The following PIK3CD variants were observed in gnomAD, a reference collection of about 807,000 sequenced individuals.
PIK3CD encodes the protein phosphatidylinositol-4,5-bisphosphate 3-kinase catalytic subunit delta.
PIK3CD carries 20 observed loss-of-function variants against 122.9 expected under a neutral mutation model. The ratio of observed to expected loss-of-function variants is 0.16; its 90% confidence interval spans 0.11 to 0.24. The LOEUF is 0.24. Ranked by LOEUF, PIK3CD falls within the 10% of genes least tolerant of loss-of-function variation. The probability of loss-of-function intolerance (pLI) is 1.00; values close to 1 mark genes in which losing one functional copy is unlikely to be tolerated. For synonymous variants in PIK3CD, 596 were observed against 593.4 expected (o/e 1.00, Z -0.06); for missense variants, 787 against 1,406.3 (o/e 0.56, Z 7.04).
the PIK3CD span, among the ~76,000 whole-genome samples, chr1:9,635,416 A>G: frequency 6.6e-6 from 1 of 151,890 alleles, no homozygotes; most frequent in East Asian, 1.9e-4. Flanking sequence ...CGCTCCTCTG[A>G]TTTCTTTAGT....
chr1:9,693,648 C>T (rs1646290630), intron 2 of PIK3CD, among the ~76,000 whole-genome samples: 3 of 151,432 alleles, frequency 2.0e-5, no homozygotes, highest in Admixed American at 1.3e-4. Flanking sequence ...TTCAAAATCC[C>T]ACTAAAATGA....
chr1:9,699,790 A>G (rs1646559375), intron 2 of PIK3CD, among the ~76,000 whole-genome samples: 1 of 152,078 alleles, frequency 6.6e-6, no homozygotes, highest in South Asian at 2.1e-4. Flanking sequence ...ACAGGGTTTC[A>G]CCGTGTGGGC....
At position 9,723,965 on chromosome 1, in the gene PIK3CD, C is replaced by T. The variant is rs551553892; in HGVS notation, c.2595-4C>T. The T allele has an allele frequency of 6.8e-6, 11 of 1,614,100 alleles. No homozygotes were observed. The African/African-American group carries it at 1.5e-4, about 22-fold the overall frequency. ...GGCCATGCTTTTTAATCTTCCCCAC[C>T]CAGGGAGGCCCTGGATCGAGCCATT... On this transcript the variant is annotated splice_region_variant and splice_polypyrimidine_tract_variant and intron_variant, in intron 20 of 23. Coordinates refer to ENST00000377346, the MANE Select transcript of PIK3CD (RefSeq NM_005026.5). The surrounding 1 kb of genome is among the most constrained non-coding windows in gnomAD (Gnocchi z 4.9).
At chr1:9,713,336 G>A (rs531537469) in intron 3 of PIK3CD, among the ~76,000 whole-genome samples, 4 of 152,162 alleles carry the variant, frequency 2.6e-5, no homozygotes, top group African/African-American at 9.6e-5. Context: ...GTGAAACCCC[G>A]TCTGTAAAAT....
rs1649795249 is a variant in PIK3CD at position 9,727,223 on chromosome 1, C to T, written c.*177C>T. 1 of 751,050 alleles carries T rather than the reference C, an allele frequency of 1.3e-6. No individual in the cohort carries two copies. The highest frequency in any genetic ancestry group is 1.8e-5 in the African/African-American group (1 of 56,996). 46.5% of individuals were successfully genotyped at this position (751,050 alleles called of 1,614,324 possible). A position where few individuals can be genotyped will look rare whatever the true frequency, so the allele number is the denominator to read the frequency against. On this transcript the variant is annotated 3_prime_UTR_variant, in exon 24 of 24. Transcript: ENST00000377346. ...ACTTGAAATAGTTTAAGGAGCTAAA[C>T]AGCCATAAACGGAAACGCCTCCTTC...
At chr1:9,676,834 A>T (rs1645557149) in intron 1 of PIK3CD, among the ~76,000 whole-genome samples, 3 of 152,232 alleles carry the variant, frequency 2.0e-5, no homozygotes, top group Admixed American at 1.3e-4. Context: ...GTAGCCTTGA[A>T]GATGAGCCTG....
chr1:9,675,335 G>A (rs965422072), intron 1 of PIK3CD, among the ~76,000 whole-genome samples: 5 of 140,970 alleles, frequency 3.5e-5, no homozygotes, highest in Non-Finnish European at 6.0e-5. Context: ...GCAGTGAGCC[G>A]AGATTGCGCC....
Position 9,715,556 on chromosome 1 carries a change from G to A in PIK3CD, c.157G>A (p.Ala53Thr), listed in dbSNP as rs766440014. The A allele has an allele frequency of 1.9e-6, 3 of 1,613,428 alleles. No homozygotes were observed. Among genetic ancestry groups the A allele is most frequent in the Admixed American group, 3.3e-5 (2 of 60,008 alleles). Reference protein sequence around the residue: ...STIKQLLWHRAQYEPLFHMLS... With the variant: ...STIKQLLWHRTQYEPLFHMLS... ...GTCCCTCCAGCTGCTGTGGCACCGC[G>A]CCCAGTATGAGCCGCTCTTCCACAT... Residue 53 changes from alanine to threonine, a missense_variant, in exon 4 of 24, where the codon GCC becomes ACC. Ala to Thr is a moderately conservative substitution (Grantham distance 58). Transcript: ENST00000377346. This position sits in a 1 kb window ranked among gnomAD's most constrained non-coding sequence, Gnocchi z 4.1.
the PIK3CD span, among the ~76,000 whole-genome samples, chr1:9,632,309 G>A: frequency 1.5e-4 from 23 of 152,188 alleles, no homozygotes; most frequent in South Asian, 4.8e-3. Flanking sequence ...ACCGCACCTG[G>A]CTTCTTCTTT....
chr1:9,672,025 A>C (rs1160898184), intron 1 of PIK3CD, among the ~76,000 whole-genome samples: 1 of 152,008 alleles, frequency 6.6e-6, no homozygotes, highest in Non-Finnish European at 1.5e-5. Flanking sequence ...TCCCAGGGGG[A>C]GTGGGTAGGA....
chr1:9,633,465 G>A, the PIK3CD span, among the ~76,000 whole-genome samples: 5 of 151,996 alleles, frequency 3.3e-5, no homozygotes, highest in Admixed American at 6.6e-5. Context: ...TCACCACCAC[G>A]CCCAGCTAAT....
At chr1:9,694,405 G>A (rs760661500) in intron 2 of PIK3CD, among the ~76,000 whole-genome samples, 19 of 152,258 alleles carry the variant, frequency 1.2e-4, no homozygotes, top group Middle Eastern at 3.4e-3. Flanking sequence ...GTGGTGGCGC[G>A]TGCCTGTAAT....
rs1205689813 is a variant in PIK3CD, at chr1:9,718,164, C to T, written c.1021-530C>T. 1.3e-5 allele frequency: 6 copies of T among 463,880 alleles called. No individual in the cohort carries two copies. Among genetic ancestry groups the T allele is most frequent in the Non-Finnish European group, 2.2e-5 (5 of 232,434 alleles). The allele number at this position is 463,880 out of a possible 1,614,324, so 28.7% of individuals were successfully genotyped here. A position where few individuals can be genotyped will look rare whatever the true frequency, so the allele number is the denominator to read the frequency against. ...TGATACCTGAGTCCTCAGAGGTTGG[C>T]CCTCCTGCCTGGAGTGTGTTTCACT... On this transcript the variant is annotated intron_variant, in intron 8 of 23. Coordinates refer to ENST00000377346, the MANE Select transcript of PIK3CD (RefSeq NM_005026.5). The surrounding 1 kb of genome is among the most constrained non-coding windows in gnomAD (Gnocchi z 7.2).
At chr1:9,685,884 C>T (rs1645947444) in intron 1 of PIK3CD, among the ~76,000 whole-genome samples, 2 of 152,132 alleles carry the variant, frequency 1.3e-5, no homozygotes, top group Non-Finnish European at 1.5e-5. Flanking sequence ...CTGACTTTAG[C>T]CTTCCTGGTC....
At chr1:9,634,318 G>T in the PIK3CD span, among the ~76,000 whole-genome samples, 1 of 151,852 alleles carries the variant, frequency 6.6e-6, no homozygotes, top group Non-Finnish European at 1.5e-5. Flanking sequence ...TGCATCAGCA[G>T]GCCTGGCTAA....
In PIK3CD at chr1:9,689,120, G is replaced by A. The variant is rs1557626529; in HGVS notation, c.-137-2347G>A. ...CTGGGTCCAGTACCCCGCCCTTTCT[G>A]CGGATGCCTTGCAAAGCGGGGAGCG... On this transcript the variant is annotated intron_variant, in intron 1 of 23. Coordinates refer to ENST00000377346, the MANE Select transcript of PIK3CD (RefSeq NM_005026.5). This position sits in a 1 kb window ranked among gnomAD's most constrained non-coding sequence, Gnocchi z 6.1. Among the ~76,000 whole-genome samples, 1 of 152,234 alleles carries A rather than the reference G, an allele frequency of 6.6e-6. No individual in the cohort carries two copies. Among genetic ancestry groups the A allele is most frequent in the Admixed American group, 6.5e-5 (1 of 15,280 alleles).
chr1:9,680,386 A>G (rs1183443840), intron 1 of PIK3CD, among the ~76,000 whole-genome samples: 3 of 151,974 alleles, frequency 2.0e-5, no homozygotes, highest in Admixed American at 2.0e-4. Context: ...CTGAGGCTGA[A>G]CTCACTTGAG....
At chr1:9,654,834 C>T (rs186594050) in intron 1 of PIK3CD, among the ~76,000 whole-genome samples, 5 of 151,562 alleles carry the variant, frequency 3.3e-5, no homozygotes, top group Middle Eastern at 3.4e-3. Flanking sequence ...CCGAGGTGGG[C>T]GGATCACTTG....
chr1:9,697,858 C>T (rs1646480810), intron 2 of PIK3CD, among the ~76,000 whole-genome samples: 1 of 151,008 alleles, frequency 6.6e-6, no homozygotes, highest in South Asian at 2.1e-4. Flanking sequence ...TGGCAAAACT[C>T]TGTCTCTATT....
Sources: allele counts gnomAD v4.1 joint callset (sites outside exome capture counted in the v4.1 genomes callset), GRCh38; gene constraint gnomAD v4.1.1; non-coding constraint Gnocchi (gnomAD v3.1); transcripts MANE v1.5; gene names NCBI Gene and HGNC (gene_info 2026-07-23, HGNC 2026-07-21).